Variants in SNX29 observed in about 807,000 individuals in gnomAD.
SNX29 encodes the protein sorting nexin-29.
Under a neutral mutation model 102.1 loss-of-function variants are expected in SNX29, and 78 were observed. The ratio of observed to expected loss-of-function variants is 0.76; its 90% confidence interval spans 0.64 to 0.92. SNX29 has a LOEUF of 0.92. SNX29 is among the 40% of genes least tolerant of loss of function. The probability of loss-of-function intolerance (pLI) is 0.00; values close to 1 mark genes in which losing one functional copy is unlikely to be tolerated. For missense variants in SNX29, 1,280 were observed against 1,061.7 expected, an observed-to-expected ratio of 1.21 and a Z score of -2.86; for synonymous variants, 580 against 414.5, an observed-to-expected ratio of 1.40 and a Z score of -4.85.
At chr16:12,510,951 G>A (rs1597668267) in intron 19 of SNX29, among the ~76,000 whole-genome samples, 1 of 151,918 alleles carries the variant, frequency 6.6e-6, no homozygotes, top group Non-Finnish European at 1.5e-5. Flanking sequence ...GCCATATCCA[G>A]CCCTTCTTGA....
chr16:12,092,789 T>C lies in SNX29; in HGVS notation c.1402+13874T>C, dbSNP rs115133270. ...TTTCTCATGACTTGCCTGACCTCGT[T>C]AGTTTCTTTGATACCAAAGACAGGT... On this transcript the variant is annotated intron_variant, in intron 11 of 20. Transcript: ENST00000566228. Among the ~76,000 whole-genome samples the C allele has an allele frequency of 5.7e-3, 871 of 152,346 alleles. 9 individuals are homozygous for C. The highest frequency in any genetic ancestry group is 0.02 in the African/African-American group (839 of 41,580).
At chr16:12,281,137 C>T (rs2079416728) in intron 15 of SNX29, among the ~76,000 whole-genome samples, 1 of 152,206 alleles carries the variant, frequency 6.6e-6, no homozygotes, top group Admixed American at 6.5e-5. Context: ...TGGTCTCAAA[C>T]TTGTGACCTC....
Position 12,570,152 on chromosome 16 carries a change from C to G in SNX29, c.*1523C>G. 1 of 1,064,576 alleles carries G rather than the reference C, an allele frequency of 9.4e-7. No homozygotes were observed. The highest frequency in any genetic ancestry group is 1.1e-6 in the Non-Finnish European group (1 of 878,610). 65.9% of individuals were successfully genotyped at this position (1,064,576 alleles called of 1,614,324 possible). A position where few individuals can be genotyped will look rare whatever the true frequency, so the allele number is the denominator to read the frequency against. Reference sequence around the variant, plus strand: ...TTAAGGAAGGCTGAGATCACTCACACACAGCGCCCCCCCACCCCAGAGAAA... The same window carrying G: ...TTAAGGAAGGCTGAGATCACTCACAGACAGCGCCCCCCCACCCCAGAGAAA... On this transcript the variant is annotated 3_prime_UTR_variant, in exon 21 of 21. Transcript: ENST00000566228.
intron 16 of SNX29, among the ~76,000 whole-genome samples, chr16:12,372,284 A>G (rs906809485): frequency 6.6e-6 from 1 of 152,162 alleles, no homozygotes; most frequent in Non-Finnish European, 1.5e-5. Context: ...AATCTTCCCC[A>G]TCCTTCAAGG....
At chr16:12,301,297 A>G (rs1286685995) in intron 15 of SNX29, among the ~76,000 whole-genome samples, 1 of 152,204 alleles carries the variant, frequency 6.6e-6, no homozygotes, top group African/African-American at 2.4e-5. Flanking sequence ...AAATCCGCCC[A>G]CGCTCTGGCG....
chr16:12,288,421 G>T (rs889388191), intron 15 of SNX29, among the ~76,000 whole-genome samples: 2 of 152,182 alleles, frequency 1.3e-5, no homozygotes, highest in African/African-American at 2.4e-5. Flanking sequence ...CTGCAAAACT[G>T]CCCTGAGCTG....
intron 1 of SNX29, among the ~76,000 whole-genome samples, chr16:11,985,649 C>A (rs1018099707): frequency 2.0e-5 from 3 of 152,126 alleles, no homozygotes; most frequent in Non-Finnish European, 2.9e-5. Flanking sequence ...TAAGTCTAGT[C>A]TGGAGCCTGT....
At chr16:12,475,677 T>G (rs1195292589) in intron 18 of SNX29, among the ~76,000 whole-genome samples, 1 of 152,252 alleles carries the variant, frequency 6.6e-6, no homozygotes, top group African/African-American at 2.4e-5. Context: ...TATTCTATAA[T>G]AAAGTGTTGA....
intron 4 of SNX29, among the ~76,000 whole-genome samples, chr16:12,030,950 C>G (rs1457771483): frequency 1.3e-5 from 2 of 152,226 alleles, no homozygotes; most frequent in African/African-American, 4.8e-5. Flanking sequence ...CCTTGGGACT[C>G]TTGAGACCTC....
chr16:12,568,743 A>C lies in SNX29; in HGVS notation c.*114A>C, dbSNP rs982929868. On this transcript the variant is annotated 3_prime_UTR_variant, in exon 21 of 21. Coordinates refer to ENST00000566228, the MANE Select transcript of SNX29 (RefSeq NM_032167.5). The stretch of plus-strand genomic sequence containing the variant: ...CAACCACGTCCACCTGGTGATCCTG[A>C]GAGCACACGATTCCCAACAGTTACA... 5 of 1,435,566 alleles carry C rather than the reference A, an allele frequency of 3.5e-6. No homozygotes were observed. In the African/African-American group the frequency reaches 4.3e-5, roughly 12 times the overall value. The allele number at this position is 1,435,566 out of a possible 1,614,324, so 88.9% of individuals were successfully genotyped here. A position where few individuals can be genotyped will look rare whatever the true frequency, so the allele number is the denominator to read the frequency against.
At chr16:12,204,035 A>G (rs1039014190) in intron 14 of SNX29, among the ~76,000 whole-genome samples, 4 of 152,238 alleles carry the variant, frequency 2.6e-5, no homozygotes, top group African/African-American at 9.6e-5. Flanking sequence ...GTTAGTACAC[A>G]ATCAACAAGA....
intron 9 of SNX29, among the ~76,000 whole-genome samples, chr16:12,063,021 A>G (rs752675929): frequency 6.6e-6 from 1 of 152,214 alleles, no homozygotes; most frequent in African/African-American, 2.4e-5. Flanking sequence ...GACAGTGACA[A>G]TGAGAGCCAG....
chr16:12,215,443 G>T (rs1413158932), intron 14 of SNX29, among the ~76,000 whole-genome samples: 2 of 152,158 alleles, frequency 1.3e-5, no homozygotes, highest in African/African-American at 4.8e-5. Context: ...CAGCTGGGGA[G>T]TGGCAGGGCC....
chr16:12,282,262 A>C (rs2079459214), intron 15 of SNX29, among the ~76,000 whole-genome samples: 3 of 152,150 alleles, frequency 2.0e-5, no homozygotes, highest in African/African-American at 4.8e-5. Flanking sequence ...ATGGCAGGAC[A>C]CAAGGGGGAA....
At chr16:12,027,702 C>T in intron 4 of SNX29, 1 of 300,768 alleles carries the variant, frequency 3.3e-6, no homozygotes, top group Non-Finnish European at 6.3e-6. Flanking sequence ...GGACCTGTAG[C>T]ACACTGGTTT....
rs201040741 is a variant in SNX29 at position 12,253,347 on chromosome 16, G to A, written c.1679-24586G>A. Among the ~76,000 whole-genome samples the A allele has an allele frequency of 7.2e-5, 11 of 152,336 alleles. No individual in the cohort carries two copies. In the East Asian group the frequency reaches 2.1e-3, roughly 29 times the overall value. ...GTGAATAAAACAGATAAAAATTCCTGCTATGTGGAGTTGCATTCTAGTTAG... is the reference window on the plus strand; with the variant it reads ...GTGAATAAAACAGATAAAAATTCCTACTATGTGGAGTTGCATTCTAGTTAG... On this transcript the variant is annotated intron_variant, in intron 14 of 20. Transcript: ENST00000566228.
At chr16:12,193,073 G>T (rs971530544) in intron 13 of SNX29, among the ~76,000 whole-genome samples, 3 of 152,144 alleles carry the variant, frequency 2.0e-5, no homozygotes, top group Non-Finnish European at 2.9e-5. Context: ...AGGCTCAGGT[G>T]ATCCTCCTGC....
At chr16:12,046,846 T>C (rs1048114983) in intron 6 of SNX29, among the ~76,000 whole-genome samples, 1 of 152,226 alleles carries the variant, frequency 6.6e-6, no homozygotes, top group Non-Finnish European at 1.5e-5. Context: ...CTCGAAATCC[T>C]GGGCTCAAGT....
chr16:12,211,557 G>GGTGT (rs112433222), intron 14 of SNX29, among the ~76,000 whole-genome samples: 129 of 151,564 alleles, frequency 8.5e-4, no homozygotes, highest in African/African-American at 3.0e-3. Context: ...GACCAATAGG[G>GGTGT]GTGTGTGTGT....
Sources: gnomAD v4.1 joint callset for allele counts (sites outside exome capture counted in the v4.1 genomes callset) on GRCh38, gnomAD v4.1.1 for gene constraint, MANE v1.5 for transcripts, NCBI Gene and HGNC (gene_info 2026-07-23, HGNC 2026-07-21) for gene names.